The following MCPH1 variants were observed in gnomAD, a reference collection of about 807,000 sequenced individuals.
MCPH1 encodes the protein microcephalin.
Under a neutral mutation model 84.5 loss-of-function variants are expected in MCPH1, and 104 were observed. The observed-to-expected ratio is 1.23, with a 90% CI of 1.05 to 1.45. The LOEUF (loss-of-function observed/expected upper bound fraction) is 1.45. MCPH1 is among the 40% of genes most tolerant of loss of function. The probability of loss-of-function intolerance (pLI) is 0.00; values close to 1 mark genes in which losing one functional copy is unlikely to be tolerated. For synonymous variants in MCPH1, 514 were observed against 366.8 expected (o/e 1.40, Z -4.58); for missense variants, 1,498 against 1,005.7 (o/e 1.49, Z -6.62).
chr8:6,432,349 A>AT (rs1011714269), intron 4 of MCPH1, among the ~76,000 whole-genome samples: 1 of 151,578 alleles, frequency 6.6e-6, no homozygotes, highest in African/African-American at 2.4e-5. Flanking sequence ...GTTACACTGT[A>AT]TTTTTTTTTA....
At chr8:6,617,933 A>ATCTG (rs1293363733) in intron 12 of MCPH1, among the ~76,000 whole-genome samples, 7 of 151,478 alleles carry the variant, frequency 4.6e-5, no homozygotes, top group African/African-American at 1.7e-4. Context: ...CTATCTATCT[A>ATCTG]TCTATCTATC....
intron 12 of MCPH1, among the ~76,000 whole-genome samples, chr8:6,592,190 T>A (rs1394421590): frequency 9.9e-5 from 15 of 152,160 alleles, no homozygotes; most frequent in Admixed American, 9.2e-4. Flanking sequence ...CCTTGTTCTG[T>A]CACCCAAACT....
intron 11 of MCPH1, among the ~76,000 whole-genome samples, chr8:6,481,688 G>T (rs1024112963): frequency 2.0e-5 from 3 of 152,210 alleles, no homozygotes; most frequent in Admixed American, 6.5e-5. Flanking sequence ...TTTCCGTGTT[G>T]TGACAGAGGT....
chr8:6,534,727 G>C (rs185654063), intron 12 of MCPH1, among the ~76,000 whole-genome samples: 3 of 152,346 alleles, frequency 2.0e-5, no homozygotes, highest in East Asian at 3.9e-4. Flanking sequence ...AAAATGTGAA[G>C]AGTCTGAAAT....
intron 7 of MCPH1, among the ~76,000 whole-genome samples, chr8:6,443,961 G>A (rs1023947878): frequency 6.6e-6 from 1 of 152,190 alleles, no homozygotes; most frequent in African/African-American, 2.4e-5. Context: ...CTGGAAGACA[G>A]GGAAGGTAAG....
At chr8:6,545,638 G>C (rs1005750713) in intron 12 of MCPH1, among the ~76,000 whole-genome samples, 1 of 152,164 alleles carries the variant, frequency 6.6e-6, no homozygotes, top group Non-Finnish European at 1.5e-5. Flanking sequence ...AAGCATAAAA[G>C]GCATTTGCTC....
At chr8:6,522,098 G>C (rs1429863858) in intron 12 of MCPH1, among the ~76,000 whole-genome samples, 2 of 152,122 alleles carry the variant, frequency 1.3e-5, no homozygotes, top group Middle Eastern at 3.2e-3. Context: ...GCTCACGCTT[G>C]TAATCCCAGC....
chr8:6,507,338 G>C (rs1030827293), intron 12 of MCPH1, among the ~76,000 whole-genome samples: 2 of 152,164 alleles, frequency 1.3e-5, no homozygotes, highest in Admixed American at 6.5e-5. Flanking sequence ...AATTTTTGCA[G>C]ATATGATTTA....
intron 9 of MCPH1, chr8:6,474,042 G>A (rs1585982395): frequency 2.5e-6 from 2 of 816,254 alleles, no homozygotes; most frequent in South Asian, 2.8e-5. Context: ...CCCCTCATTT[G>A]AAGTATTTCG....
chr8:6,564,142 C>T (rs552267321), intron 12 of MCPH1, among the ~76,000 whole-genome samples: 3 of 152,128 alleles, frequency 2.0e-5, no homozygotes, highest in East Asian at 1.9e-4. Flanking sequence ...CCACCACACC[C>T]GGCTAATTTT....
chr8:6,519,974 C>T (rs141170504), intron 12 of MCPH1: 43 of 1,613,908 alleles, frequency 2.7e-5, no homozygotes, highest in Non-Finnish European at 3.6e-5. Flanking sequence ...TCTTCTTTAG[C>T]AACAGTGGGG....
intron 12 of MCPH1, among the ~76,000 whole-genome samples, chr8:6,609,812 G>GCCCCCCC (rs1162008291): frequency 4.1e-4 from 21 of 51,664 alleles, no homozygotes; most frequent in Non-Finnish European, 1.1e-3. Flanking sequence ...TCAAAGCAAT[G>GCCCCCCC]CCCCCCGCCC....
chr8:6,530,576 C>T (rs997318026), intron 12 of MCPH1, among the ~76,000 whole-genome samples: 14 of 121,908 alleles, frequency 1.1e-4, no homozygotes, highest in Non-Finnish European at 2.0e-4. Context: ...CCTAATAATT[C>T]GCTTTAGATA....
Position 6,442,161 on chromosome 8 carries a change from A to T in MCPH1, c.670+5A>T, listed in dbSNP as rs371118565. ...CACGTGATACTTTGTGTTCAGGTAA[A>T]ATTTTTATTTTCCTTTCTGTGATAT... On this transcript the variant is annotated splice_donor_5th_base_variant and intron_variant, in intron 7 of 13. Coordinates refer to ENST00000344683, the MANE Select transcript of MCPH1 (RefSeq NM_024596.5). 2.5e-6 allele frequency: 4 copies of T among 1,581,190 alleles called. No homozygotes were observed. In the African/African-American group the frequency reaches 4.0e-5, roughly 16 times the overall value.
intron 12 of MCPH1, among the ~76,000 whole-genome samples, chr8:6,592,822 T>C (rs1293045107): frequency 7.8e-5 from 3 of 38,218 alleles, no homozygotes; most frequent in Non-Finnish European, 1.9e-4. Context: ...ACCTGGCAAT[T>C]TTTTTTTTTT....
At chr8:6,593,622 G>C (rs1483639598) in intron 12 of MCPH1, among the ~76,000 whole-genome samples, 4 of 152,180 alleles carry the variant, frequency 2.6e-5, no homozygotes, top group Admixed American at 2.0e-4. Flanking sequence ...CCAAAGTGTT[G>C]GGATTATAGG....
chr8:6,446,905 TGGGG>T (rs1332423277), intron 8 of MCPH1: 4 of 984,512 alleles, frequency 4.1e-6, no homozygotes, highest in Admixed American at 6.2e-5. Context: ...CCTCCGGGGT[TGGGG>T]GTAAGTAGAA....
chr8:6,559,290 A>C (rs372701196), intron 12 of MCPH1, among the ~76,000 whole-genome samples: 2 of 150,334 alleles, frequency 1.3e-5, no homozygotes, highest in East Asian at 2.0e-4. Flanking sequence ...GGGTGGGGCT[A>C]GCGGGCTGGG....
intron 12 of MCPH1, among the ~76,000 whole-genome samples, chr8:6,549,193 C>T (rs762349331): frequency 1.3e-4 from 20 of 152,162 alleles, no homozygotes; most frequent in Non-Finnish European, 2.8e-4. Context: ...GAAGTGTTGA[C>T]TTCCATAAAA....
Sources: gnomAD v4.1 joint callset for allele counts (sites outside exome capture counted in the v4.1 genomes callset) on GRCh38, gnomAD v4.1.1 for gene constraint, MANE v1.5 for transcripts, NCBI Gene and HGNC (gene_info 2026-07-23, HGNC 2026-07-21) for gene names.